Variants in CHD6 observed in about 807,000 individuals in gnomAD.
CHD6 encodes ATP-dependent chromatin remodeler CHD6.
CHD6 carries 50 observed loss-of-function variants against 276.9 expected under a neutral mutation model. That is an observed-to-expected ratio of 0.18 (90% CI 0.14 to 0.23). The LOEUF is 0.23. Among genes scored for constraint, CHD6 ranks in the 10% least tolerant of loss-of-function variants. CHD6 has a pLI of 1.00. For missense variants in CHD6, 2,564 were observed against 3,365.8 expected (o/e 0.76, Z 5.89); for synonymous variants, 1,173 against 1,229.3 (o/e 0.95, Z 0.96).
At chr20:41,603,179 C>A (rs1399492050) in intron 1 of CHD6, among the ~76,000 whole-genome samples, 1 of 151,682 alleles carries the variant, frequency 6.6e-6, no homozygotes, top group Admixed American at 6.6e-5. Flanking sequence ...ATGGTGAAAC[C>A]CTGTCTCTAC....
Position 41,428,543 on chromosome 20 carries a change from C to A in CHD6, c.4069-2390G>T, listed in dbSNP as rs569054418. ...CAGCAAACTGATTGGTTACAATGTGCAATTTCTCCATCTTGAGGACACACG... is the reference window on the plus strand; with the variant it reads ...CAGCAAACTGATTGGTTACAATGTGAAATTTCTCCATCTTGAGGACACACG... On this transcript the variant is annotated intron_variant, in intron 27 of 36. Transcript: ENST00000373233. Among the ~76,000 whole-genome samples, 8 of 152,292 alleles carry A rather than the reference C, an allele frequency of 5.3e-5. No individual in the cohort carries two copies. In the South Asian group the frequency reaches 1.7e-3, roughly 32 times the overall value.
At chr20:41,465,009 TAAATG>T (rs1177961677) in intron 17 of CHD6, among the ~76,000 whole-genome samples, 4 of 152,070 alleles carry the variant, frequency 2.6e-5, no homozygotes, top group African/African-American at 9.7e-5. Flanking sequence ...CTGATATAAA[TAAATG>T]GGAGACAAAG....
Position 41,403,305 on chromosome 20 carries a change from T to C in CHD6, c.*1288A>G. On this transcript the variant is annotated 3_prime_UTR_variant, in exon 37 of 37. Coordinates refer to ENST00000373233, the MANE Select transcript of CHD6 (RefSeq NM_032221.5). Reference sequence around the variant, plus strand: ...CATGAGCTTACTTCAAGTCTCAGAGTGTGAACTACCTGTGAAGAGTGAGAC... The same window carrying C: ...CATGAGCTTACTTCAAGTCTCAGAGCGTGAACTACCTGTGAAGAGTGAGAC... 9.4e-7 allele frequency: 1 copy of C among 1,063,314 alleles called. No individual in the cohort carries two copies. Among genetic ancestry groups the C allele is most frequent in the Non-Finnish European group, 1.1e-6 (1 of 877,758 alleles). 65.9% of individuals were successfully genotyped at this position (1,063,314 alleles called of 1,614,324 possible).
intron 16 of CHD6, among the ~76,000 whole-genome samples, chr20:41,481,854 AAAT>A (rs1368623229): frequency 1.3e-5 from 2 of 152,006 alleles, no homozygotes; most frequent in Non-Finnish European, 2.9e-5. Flanking sequence ...ATTAAATAAA[AAAT>A]AAGAGTTACA....
At chr20:41,455,732 G>A (rs1188387531) in intron 19 of CHD6, 68 bp downstream of exon 19, 4 of 1,067,952 alleles carry the variant, frequency 3.7e-6, no homozygotes, top group Non-Finnish European at 5.2e-6. Flanking sequence ...CCCTGCTAAT[G>A]GGTTTCAGAG....
At chr20:41,613,737 G>A (rs921628560) in intron 1 of CHD6, among the ~76,000 whole-genome samples, 6 of 152,296 alleles carry the variant, frequency 3.9e-5, no homozygotes, top group South Asian at 2.1e-4. Flanking sequence ...GTATGCTGGT[G>A]GAAAGGTATG....
At chr20:41,578,347 T>G (rs2045496407) in intron 1 of CHD6, among the ~76,000 whole-genome samples, 2 of 152,196 alleles carry the variant, frequency 1.3e-5, no homozygotes, top group African/African-American at 4.8e-5. Context: ...CAAGGCATAA[T>G]CACATAAAAA....
At position 41,404,109 on chromosome 20, in the gene CHD6, T is replaced by C; in HGVS notation, c.*484A>G. On this transcript the variant is annotated 3_prime_UTR_variant, in exon 37 of 37. Transcript: ENST00000373233. Reference sequence around the variant, plus strand: ...TAATCATGATAAAATAGGGAAATATTTTAACTCAAAAATATGCACCAGCAC... The same window carrying C: ...TAATCATGATAAAATAGGGAAATATCTTAACTCAAAAATATGCACCAGCAC... 9.5e-7 allele frequency: 1 copy of C among 1,053,302 alleles called. No homozygotes were observed. The highest frequency in any genetic ancestry group is 1.1e-6 in the Non-Finnish European group (1 of 871,972). The allele number at this position is 1,053,302 out of a possible 1,614,324, so 65.2% of individuals were successfully genotyped here.
At chr20:41,609,837 CCTTT>C (rs571961632) in intron 1 of CHD6, among the ~76,000 whole-genome samples, 89 of 150,696 alleles carry the variant, frequency 5.9e-4, no homozygotes, top group African/African-American at 2.1e-3. Context: ...ATCTGTGTTT[CCTTT>C]TTTTTTCTTT....
intron 1 of CHD6, among the ~76,000 whole-genome samples, chr20:41,554,619 CTG>C (rs1197375550): frequency 9.3e-5 from 14 of 151,126 alleles, no homozygotes; most frequent in African/African-American, 3.4e-4. Flanking sequence ...CTTCAAGCAT[CTG>C]TTTAACAAAG....
At chr20:41,490,281 C>A (rs1055087717) in intron 11 of CHD6, among the ~76,000 whole-genome samples, 2 of 152,114 alleles carry the variant, frequency 1.3e-5, no homozygotes, top group South Asian at 2.1e-4. Context: ...CGCATCACTG[C>A]GTGACTGTTT....
chr20:41,594,039 A>T (rs544781850), intron 1 of CHD6, among the ~76,000 whole-genome samples: 4 of 152,210 alleles, frequency 2.6e-5, no homozygotes, highest in Non-Finnish European at 4.4e-5. Flanking sequence ...GCTACTTCTA[A>T]ATCTACCCTT....
intron 5 of CHD6, among the ~76,000 whole-genome samples, chr20:41,511,313 C>T (rs1307168127): frequency 6.6e-6 from 1 of 152,244 alleles, no homozygotes; most frequent in Non-Finnish European, 1.5e-5. Context: ...CAACAGACAG[C>T]CGTGTCCCAG....
chr20:41,572,416 C>G (rs193045673), intron 1 of CHD6, among the ~76,000 whole-genome samples: 1 of 152,266 alleles, frequency 6.6e-6, no homozygotes, highest in East Asian at 1.9e-4. Context: ...CCTGTAGACA[C>G]GGACAGCAGG....
intron 8 of CHD6, among the ~76,000 whole-genome samples, chr20:41,496,210 G>A (rs574518175): frequency 5.3e-5 from 8 of 152,294 alleles, no homozygotes; most frequent in Non-Finnish European, 1.0e-4. Context: ...TAATTGAACT[G>A]GCAATATGTT....
intron 1 of CHD6, among the ~76,000 whole-genome samples, chr20:41,568,552 A>C (rs939797586): frequency 6.6e-6 from 1 of 152,254 alleles, no homozygotes; most frequent in Non-Finnish European, 1.5e-5. Context: ...GTGGCAAGTC[A>C]ATCTATAATT....
Position 41,533,334 on chromosome 20 carries a change from A to G in CHD6, c.270T>C (p.Thr90=), listed in dbSNP as rs199852507. 6.8e-6 allele frequency: 11 copies of G among 1,613,852 alleles called. No individual in the cohort carries two copies. Among genetic ancestry groups the G allele is most frequent in the Non-Finnish European group, 9.3e-6 (11 of 1,179,974 alleles). Residue 90 remains threonine (T), a synonymous_variant, in exon 3 of 37, where the codon ACT becomes ACC. Transcript: ENST00000373233. ...TTTTCTTCCGTTTCTTCTTCACTCC[A>G]GTACCTCCTCCTCCACTGTCCTCCA... ...NGMEDSGGGG[T]GVKKKRKKKE...
At position 41,473,397 on chromosome 20, in the gene CHD6, G is replaced by T; in HGVS notation, c.2589C>A (p.Gly863=). The change falls in exon 17 of 37, where the codon GGC becomes GGA. Residue 863 remains glycine, a synonymous_variant. Coordinates refer to ENST00000373233, the MANE Select transcript of CHD6 (RefSeq NM_032221.5). The surrounding 1 kb of genome is among the most constrained non-coding windows in gnomAD (Gnocchi z 4.1). The stretch of plus-strand genomic sequence containing the variant: ...CAGCAGCTGTGAGATTGATCCCCAG[G>T]CCTCCCGCTCTGGTGCACAGAAGAA... The part of the protein sequence containing the change: ...FVFLLCTRAG[G]LGINLTAADT... 6 of 1,614,036 alleles carry T rather than the reference G, an allele frequency of 3.7e-6. No individual in the cohort carries two copies. The highest frequency in any genetic ancestry group is 5.1e-6 in the Non-Finnish European group (6 of 1,179,976).
chr20:41,506,567 A>G (rs1028792619), intron 5 of CHD6, among the ~76,000 whole-genome samples: 90 of 152,306 alleles, frequency 5.9e-4, no homozygotes, highest in African/African-American at 1.8e-3. Context: ...CCTGAATTCC[A>G]TATCACCCTT....
Sources: gnomAD v4.1 joint callset for allele counts (sites outside exome capture counted in the v4.1 genomes callset) on GRCh38, gnomAD v4.1.1 for gene constraint, Gnocchi (gnomAD v3.1) non-coding constraint, MANE v1.5 for transcripts, NCBI Gene and HGNC (gene_info 2026-07-23, HGNC 2026-07-21) for gene names.